The following GRXCR1 variants were observed in gnomAD, a reference collection of about 807,000 sequenced individuals.
GRXCR1 encodes the protein glutaredoxin and cysteine rich domain containing 1.
A neutral mutation model predicts 27.3 loss-of-function variants in GRXCR1; 27 were observed. The ratio of observed to expected loss-of-function variants is 0.99; its 90% confidence interval spans 0.73 to 1.37. GRXCR1 has a LOEUF of 1.37. Ranked by LOEUF, GRXCR1 falls within the 40% of genes most tolerant of loss-of-function variation. The probability of loss-of-function intolerance (pLI) is 0.00; values close to 1 mark genes in which losing one functional copy is unlikely to be tolerated. For synonymous variants in GRXCR1, 122 were observed against 131.1 expected, an observed-to-expected ratio of 0.93 and a Z score of 0.47; for missense variants, 379 against 354.4, an observed-to-expected ratio of 1.07 and a Z score of -0.56.
At chr4:42,980,633 G>A (rs577574632) in intron 2 of GRXCR1, among the ~76,000 whole-genome samples, 1 of 152,026 alleles carries the variant, frequency 6.6e-6, no homozygotes, top group Admixed American at 6.6e-5. Context: ...TGTTCTGTAT[G>A]TGCCTGTTAC....
At chr4:42,931,045 A>G (rs1265422873) in intron 1 of GRXCR1, among the ~76,000 whole-genome samples, 1 of 151,570 alleles carries the variant, frequency 6.6e-6, no homozygotes, top group Non-Finnish European at 1.5e-5. Flanking sequence ...AACATTCCTG[A>G]GGACAAAATA....
chr4:43,014,226 C>T (rs140540265), intron 2 of GRXCR1, among the ~76,000 whole-genome samples: 4 of 152,046 alleles, frequency 2.6e-5, no homozygotes, highest in African/African-American at 4.8e-5. Flanking sequence ...TTTTCCAGGC[C>T]TAAGTGTTTG....
chr4:43,007,702 T>C (rs1449528120), intron 2 of GRXCR1, among the ~76,000 whole-genome samples: 1 of 152,200 alleles, frequency 6.6e-6, no homozygotes, highest in Non-Finnish European at 1.5e-5. Context: ...AAATGAGAAG[T>C]CAAGGTCAAT....
At chr4:42,943,694 T>C (rs1747676497) in intron 1 of GRXCR1, among the ~76,000 whole-genome samples, 1 of 152,054 alleles carries the variant, frequency 6.6e-6, no homozygotes, top group African/African-American at 2.4e-5. Context: ...AGGTACATAT[T>C]TATCACTTAT....
chr4:43,020,818 CT>C, intron 3 of GRXCR1, among the ~76,000 whole-genome samples: 1 of 152,292 alleles, frequency 6.6e-6, no homozygotes, highest in South Asian at 2.1e-4. Context: ...TAAAGAAAAA[CT>C]TGTGTCTCCA....
At position 43,007,212 on chromosome 4, in the gene GRXCR1, G is replaced by A. The variant is rs561259478; in HGVS notation, c.628-13142G>A. Among the ~76,000 whole-genome samples, 6 of 152,314 alleles carry A rather than the reference G, an allele frequency of 3.9e-5. No homozygotes were observed. In the East Asian group the frequency reaches 7.7e-4, roughly 20 times the overall value. On this transcript the variant is annotated intron_variant, in intron 2 of 3. Transcript: ENST00000399770. ...CCAATGAGGCCACCAATGGCAGTTA[G>A]ACCTTCTGGCATTGGAGATTTTGTA...
At chr4:42,904,225 A>C (rs1378167823) in intron 1 of GRXCR1, among the ~76,000 whole-genome samples, 1 of 152,310 alleles carries the variant, frequency 6.6e-6, no homozygotes, top group South Asian at 2.1e-4. Context: ...CTGATGCTGC[A>C]GGCAGTGCCC....
chr4:43,005,353 GT>G (rs1051735105), intron 2 of GRXCR1, among the ~76,000 whole-genome samples: 1 of 152,160 alleles, frequency 6.6e-6, no homozygotes, highest in African/African-American at 2.4e-5. Context: ...ATACAAACGA[GT>G]TTAGTTTCTG....
intron 2 of GRXCR1, among the ~76,000 whole-genome samples, chr4:43,015,724 T>C (rs949227727): frequency 1.3e-5 from 2 of 151,666 alleles, no homozygotes; most frequent in African/African-American, 4.8e-5. Flanking sequence ...AGCTACTTTC[T>C]TAGTAAGATG....
At chr4:43,001,164 G>A (rs1400305685) in intron 2 of GRXCR1, among the ~76,000 whole-genome samples, 1 of 151,564 alleles carries the variant, frequency 6.6e-6, no homozygotes, top group East Asian at 1.9e-4. Flanking sequence ...AAAGACGATA[G>A]GATGCCTTTG....
chr4:42,927,606 G>A (rs1747191163), intron 1 of GRXCR1, among the ~76,000 whole-genome samples: 1 of 151,766 alleles, frequency 6.6e-6, no homozygotes, highest in Non-Finnish European at 1.5e-5. Context: ...TGAATATATG[G>A]GAAACAACAG....
intron 2 of GRXCR1, among the ~76,000 whole-genome samples, chr4:42,980,577 A>T (rs1196568845): frequency 1.3e-5 from 2 of 152,052 alleles, no homozygotes; most frequent in Non-Finnish European, 2.9e-5. Flanking sequence ...TGTCCTGAAG[A>T]CTGTTCCATG....
chr4:42,958,825 C>T (rs148060935), intron 1 of GRXCR1, among the ~76,000 whole-genome samples: 1 of 151,930 alleles, frequency 6.6e-6, no homozygotes, highest in African/African-American at 2.4e-5. Flanking sequence ...TGCTCAACAT[C>T]AATAATATGG....
At chr4:43,028,175 G>C (rs1202689516) in intron 3 of GRXCR1, among the ~76,000 whole-genome samples, 2 of 152,070 alleles carry the variant, frequency 1.3e-5, no homozygotes, top group Non-Finnish European at 2.9e-5. Flanking sequence ...GCCCAAGATG[G>C]ATTAATATCT....
chr4:42,954,503 G>A (rs971123982), intron 1 of GRXCR1, among the ~76,000 whole-genome samples: 34 of 151,958 alleles, frequency 2.2e-4, no homozygotes, highest in African/African-American at 7.5e-4. Context: ...AACTCATTTG[G>A]GCACCTTAAC....
chr4:42,983,766 ATTCTTTT>A (rs1006740384), intron 2 of GRXCR1, among the ~76,000 whole-genome samples: 9 of 150,750 alleles, frequency 6.0e-5, no homozygotes, highest in African/African-American at 2.2e-4. Context: ...ATTCTTTTTT[ATTCTTTT>A]TTCTTTTTTC....
intron 2 of GRXCR1, among the ~76,000 whole-genome samples, chr4:42,974,870 T>C (rs776116735): frequency 1.3e-5 from 2 of 152,170 alleles, no homozygotes; most frequent in African/African-American, 2.4e-5. Flanking sequence ...CAAGCCCTAT[T>C]GTCAGAATTG....
At chr4:43,026,535 A>G (rs1713264584) in intron 3 of GRXCR1, among the ~76,000 whole-genome samples, 1 of 151,814 alleles carries the variant, frequency 6.6e-6, no homozygotes, top group South Asian at 2.1e-4. Context: ...CTGAAGACCC[A>G]CCCACCTCAC....
chr4:42,910,307 T>G (rs1290294129), intron 1 of GRXCR1, among the ~76,000 whole-genome samples: 1 of 152,182 alleles, frequency 6.6e-6, no homozygotes, highest in African/African-American at 2.4e-5. Context: ...ACAACGTGTA[T>G]TGATTACTGC....
Sources: gnomAD v4.1 joint callset for allele counts (sites outside exome capture counted in the v4.1 genomes callset) on GRCh38, gnomAD v4.1.1 for gene constraint, MANE v1.5 for transcripts, NCBI Gene and HGNC (gene_info 2026-07-23, HGNC 2026-07-21) for gene names.